ARHGAP26: variants seen among roughly 807,000 people sequenced by gnomAD.
ARHGAP26 encodes Rho GTPase activating protein 26, also known as rho GTPase-activating protein 26.
ARHGAP26 carries 38 observed loss-of-function variants against 104.8 expected under a neutral mutation model. The observed-to-expected ratio is 0.36, with a 90% confidence interval of 0.28 to 0.48. The LOEUF is 0.48. Among genes scored for constraint, ARHGAP26 ranks in the 20% least tolerant of loss-of-function variants. The probability of loss-of-function intolerance (pLI) is 0.99; values close to 1 mark genes in which losing one functional copy is unlikely to be tolerated. For missense variants in ARHGAP26, 704 were observed against 947.9 expected (o/e 0.74, Z 3.38); for synonymous variants, 341 against 340.0 (o/e 1.00, Z -0.03).
chr5:142,968,097 C>T (rs1203076896), intron 11 of ARHGAP26, among the ~76,000 whole-genome samples: 3 of 152,200 alleles, frequency 2.0e-5, no homozygotes, highest in Non-Finnish European at 4.4e-5. Context: ...TATTCCTCCA[C>T]CACCATTACC....
chr5:143,080,778 C>CA (rs1789692974), intron 17 of ARHGAP26, among the ~76,000 whole-genome samples: 1 of 152,092 alleles, frequency 6.6e-6, no homozygotes, highest in Non-Finnish European at 1.5e-5. Flanking sequence ...GTGAATGGCA[C>CA]AATCTGTGGT....
intron 17 of ARHGAP26, among the ~76,000 whole-genome samples, chr5:143,090,205 T>G (rs892666187): frequency 8.5e-5 from 13 of 152,186 alleles, no homozygotes; most frequent in African/African-American, 3.1e-4. Context: ...TGGCATGACT[T>G]GTTACTCCAG....
At position 143,012,552 on chromosome 5, in the gene ARHGAP26, C is replaced by CATATATATATATATATATATGTATATAT. The variant is rs1778957041; in HGVS notation, c.1108-1508_1108-1507insGTATATATATATATATATATATATATAT. ...AGGGATATATTTATATACATACATA[C>CATATATATATATATATATATGTATATAT]ATATATATATATATATATATATATT... On this transcript the variant is annotated intron_variant, in intron 11 of 22. Transcript: ENST00000645722. Among the ~76,000 whole-genome samples the CATATATATATATATATATATGTATATAT allele has an allele frequency of 1.4e-4, 3 of 20,846 alleles. 1 individual carries two copies. Among genetic ancestry groups the CATATATATATATATATATATGTATATAT allele is most frequent in the Non-Finnish European group, 4.1e-4 (3 of 7,252 alleles). The allele number at this position is 20,846 out of a possible 152,430, so 13.7% of individuals were successfully genotyped here. A position where few individuals can be genotyped will look rare whatever the true frequency, so the allele number is the denominator to read the frequency against.
At chr5:142,773,109 T>A (rs975993389) in intron 1 of ARHGAP26, among the ~76,000 whole-genome samples, 1 of 151,982 alleles carries the variant, frequency 6.6e-6, no homozygotes. Context: ...GAGGGTGGAG[T>A]CAACCATTGT....
chr5:143,064,249 G>C (rs184181116), intron 17 of ARHGAP26, among the ~76,000 whole-genome samples: 1 of 151,868 alleles, frequency 6.6e-6, no homozygotes, highest in Non-Finnish European at 1.5e-5. Context: ...CTTCATTCAG[G>C]TCTCCTACCT....
At chr5:143,167,159 G>A (rs920035694) in intron 20 of ARHGAP26, among the ~76,000 whole-genome samples, 2 of 151,888 alleles carry the variant, frequency 1.3e-5, no homozygotes, top group East Asian at 1.9e-4. Flanking sequence ...AATGTGTGCC[G>A]TGTTTTAGAA....
intron 17 of ARHGAP26, among the ~76,000 whole-genome samples, chr5:143,097,356 A>T (rs1284913405): frequency 6.7e-6 from 1 of 148,330 alleles, no homozygotes; most frequent in African/African-American, 2.5e-5. Context: ...CGTCTCAAAA[A>T]AAAGAAAAAA....
At chr5:142,867,144 C>T (rs1754425520) in intron 1 of ARHGAP26, among the ~76,000 whole-genome samples, 3 of 152,172 alleles carry the variant, frequency 2.0e-5, no homozygotes, top group African/African-American at 4.8e-5. Context: ...CTCCTTGAGT[C>T]TTAGCTGTTG....
At chr5:143,188,631 A>G (rs568261840) in intron 20 of ARHGAP26, among the ~76,000 whole-genome samples, 3 of 152,306 alleles carry the variant, frequency 2.0e-5, no homozygotes, top group Admixed American at 1.3e-4. Flanking sequence ...TGGGGATGAC[A>G]TTGTGGAAAG....
intron 11 of ARHGAP26, among the ~76,000 whole-genome samples, chr5:142,965,729 C>T (rs1477868988): frequency 1.3e-5 from 2 of 152,182 alleles, no homozygotes; most frequent in African/African-American, 2.4e-5. Flanking sequence ...TGGAACAGCT[C>T]GTGTCCTTGG....
intron 13 of ARHGAP26, 163 bp from the exon 14 acceptor site, chr5:143,041,653 G>A (rs1244386915): frequency 1.5e-5 from 9 of 601,886 alleles, no homozygotes; most frequent in East Asian, 5.7e-5. Context: ...AATCCCACTC[G>A]TTTGCTAAGA....
At chr5:143,160,683 C>G (rs757390997) in intron 20 of ARHGAP26, among the ~76,000 whole-genome samples, 1 of 151,904 alleles carries the variant, frequency 6.6e-6, no homozygotes, top group African/African-American at 2.4e-5. Context: ...TGGGGTCTTG[C>G]TATGTCGCCC....
intron 19 of ARHGAP26, among the ~76,000 whole-genome samples, chr5:143,137,189 T>G (rs1399006922): frequency 1.3e-5 from 2 of 152,254 alleles, no homozygotes. Flanking sequence ...AGATGGAAAG[T>G]GGTCATCCAT....
rs1806848484 is a variant in ARHGAP26 at position 143,196,465 on chromosome 5, C to CA, written c.1989-10732dup. Among the ~76,000 whole-genome samples the CA allele has an allele frequency of 5.3e-5, 8 of 152,302 alleles. No homozygotes were observed. The South Asian group carries it at 1.7e-3, about 32-fold the overall frequency. On this transcript the variant is annotated intron_variant, in intron 20 of 22. Coordinates refer to ENST00000645722, the MANE Select transcript of ARHGAP26 (RefSeq NM_001135608.3). The stretch of plus-strand genomic sequence containing the variant: ...TGTAAGCCCCTGGTCACAACATTTT[C>CA]ATCACCTGATCAGTACACCACCCTG...
chr5:143,113,727 C>T (rs1029196461), intron 17 of ARHGAP26, among the ~76,000 whole-genome samples: 1 of 152,198 alleles, frequency 6.6e-6, no homozygotes, highest in East Asian at 1.9e-4. Flanking sequence ...GGCATAAATG[C>T]TCTTTCTCTC....
At chr5:142,873,368 A>C in intron 1 of ARHGAP26, 32 bp from the exon 2 acceptor site, 1 of 1,544,960 alleles carries the variant, frequency 6.5e-7, no homozygotes, top group Non-Finnish European at 8.8e-7. Context: ...AATTTTAGTA[A>C]TTCCTGATTT....
At chr5:142,898,803 C>T (rs1598146405) in intron 6 of ARHGAP26, among the ~76,000 whole-genome samples, 1 of 152,230 alleles carries the variant, frequency 6.6e-6, no homozygotes, top group Admixed American at 6.5e-5. Context: ...CATCACTCTA[C>T]TAGCTGCCCT....
At chr5:143,201,293 A>G (rs769669393) in intron 20 of ARHGAP26, among the ~76,000 whole-genome samples, 1 of 152,168 alleles carries the variant, frequency 6.6e-6, no homozygotes, top group African/African-American at 2.4e-5. Context: ...TCAGCTTAAT[A>G]CACCCATCTG....
intron 10 of ARHGAP26, among the ~76,000 whole-genome samples, chr5:142,923,986 C>T (rs1763554967): frequency 6.6e-6 from 1 of 151,818 alleles, no homozygotes; most frequent in Non-Finnish European, 1.5e-5. Context: ...CTCAGCCTCC[C>T]AAGTAGCTGG....
Sources: gnomAD v4.1 joint callset for allele counts (sites outside exome capture counted in the v4.1 genomes callset) on GRCh38, gnomAD v4.1.1 for gene constraint, MANE v1.5 for transcripts, NCBI Gene and HGNC (gene_info 2026-07-23, HGNC 2026-07-21) for gene names.